The following ST13 variants were observed in gnomAD, a reference collection of about 807,000 sequenced individuals.
ST13 encodes the protein hsc70-interacting protein.
A neutral mutation model predicts 56.7 loss-of-function variants in ST13; 23 were observed. The observed-to-expected ratio is 0.41, with a 90% CI of 0.29 to 0.57. The LOEUF (loss-of-function observed/expected upper bound fraction) is 0.57, where lower values mean the gene tolerates loss of function less well. Ranked by LOEUF, ST13 falls within the 20% of genes least tolerant of loss-of-function variation. ST13 has a pLI of 0.36. For synonymous variants in ST13, 132 were observed against 142.4 expected (o/e 0.93, Z 0.52); for missense variants, 369 against 459.9 (o/e 0.80, Z 1.81).
intron 2 of ST13, among the ~76,000 whole-genome samples, chr22:40,850,153 G>A (rs2057854144): frequency 6.6e-6 from 1 of 152,180 alleles, no homozygotes; most frequent in Admixed American, 6.5e-5. Flanking sequence ...AGATACTCGG[G>A]AGACTGAAAC....
At chr22:40,839,878 C>T (rs1420941735) in intron 5 of ST13, among the ~76,000 whole-genome samples, 1 of 151,914 alleles carries the variant, frequency 6.6e-6, no homozygotes, top group Non-Finnish European at 1.5e-5. Context: ...AGGCTGGGCG[C>T]AGTGGTTCAT....
chr22:40,834,840 A>T (rs1197785647), intron 7 of ST13, among the ~76,000 whole-genome samples: 1 of 152,212 alleles, frequency 6.6e-6, no homozygotes, highest in African/African-American at 2.4e-5. Flanking sequence ...TTCAACTTTT[A>T]ATGTTTATCT....
Position 40,850,839 on chromosome 22 carries a change from G to A in ST13, c.152C>T (p.Ser51Leu). Residue 51 changes from serine (S) to leucine (L), a missense_variant, in exon 2 of 12, where the codon TCA (serine) becomes TTA (leucine). By Grantham distance (145) the Ser-to-Leu change is moderately radical. This residue lies in a region of ST13 where 169 missense variants were observed against 175.6 expected (regional missense o/e 0.96). Transcript: ENST00000216218. ...KVPPATQKAK[S>L]EENTKEEKPD... ...AAAACTTACCTTGGTATTTTCTTCT[G>A]ATTTAGCTTTCTGAGTAGCAGGTGG... The A allele has an allele frequency of 6.2e-7, 1 of 1,605,088 alleles. No individual in the cohort carries two copies. Among genetic ancestry groups the A allele is most frequent in the South Asian group, 1.1e-5 (1 of 89,622 alleles).
Position 40,832,670 on chromosome 22 carries a change from G to C in ST13, c.580C>G (p.Leu194Val). Residue 194 changes from leucine to valine, a missense_variant and splice_region_variant, in exon 8 of 12, where the codon CTT becomes GTT. Physicochemically the swap from Leu to Val is conservative, Grantham distance 32 (BLOSUM62 1). This residue lies in a region of ST13 where 64 missense variants were observed against 125.1 expected (regional missense o/e 0.51). Transcript: ENST00000216218. ...GCTGCTTCTTCCCAGTGGCCTAGAAGTCTGAAACAGATTTACACTCATTTT... is the reference window on the plus strand; with the variant it reads ...GCTGCTTCTTCCCAGTGGCCTAGAACTCTGAAACAGATTTACACTCATTTT... ...PYKWRGKAHR[L>V]LGHWEEAAHD... 6.3e-7 allele frequency: 1 copy of C among 1,597,736 alleles called. No individual in the cohort carries two copies. Among genetic ancestry groups the C allele is most frequent in the Non-Finnish European group, 8.5e-7 (1 of 1,177,842 alleles).
intron 7 of ST13, among the ~76,000 whole-genome samples, chr22:40,833,131 G>A (rs555812312): frequency 6.6e-6 from 1 of 152,310 alleles, no homozygotes; most frequent in South Asian, 2.1e-4. Flanking sequence ...GGGCAGAGGA[G>A]ACAGCAACGA....
chr22:40,853,807 G>C (rs566793318), intron 1 of ST13, among the ~76,000 whole-genome samples: 1 of 152,050 alleles, frequency 6.6e-6, no homozygotes, highest in Admixed American at 6.6e-5. Flanking sequence ...CACTCTCTTC[G>C]ATCTTAATTA....
Position 40,848,342 on chromosome 22 carries a change from C to T in ST13, c.196G>A (p.Glu66Lys). 2 of 1,613,080 alleles carry T rather than the reference C, an allele frequency of 1.2e-6. No individual in the cohort carries two copies. The highest frequency in any genetic ancestry group is 1.7e-6 in the Non-Finnish European group (2 of 1,179,474). ...KEEKPDSKKV[E>K]EDLKADEPSS... Reference sequence around the variant, plus strand: ...GGTTCGTCTGCCTTTAAGTCTTCCTCCACCTTCTTACTATCAGGTTTTTCT... The same window carrying T: ...GGTTCGTCTGCCTTTAAGTCTTCCTTCACCTTCTTACTATCAGGTTTTTCT... The change falls in exon 3 of 12, where the codon GAG becomes AAG. Residue 66 changes from glutamate to lysine, a missense_variant. Around this residue, in one of 3 missense-constraint regions of ST13, gnomAD observed 169 missense variants for 175.6 expected, o/e 0.96. Coordinates refer to ENST00000216218, the MANE Select transcript of ST13 (RefSeq NM_003932.5).
intron 1 of ST13, among the ~76,000 whole-genome samples, chr22:40,855,104 G>A (rs1226056745): frequency 6.6e-6 from 1 of 152,174 alleles, no homozygotes; most frequent in African/African-American, 2.4e-5. Context: ...CTTAGAACCA[G>A]ATTGTTGTTA....
At chr22:40,845,363 A>G (rs1159833969) in intron 3 of ST13, among the ~76,000 whole-genome samples, 1 of 152,056 alleles carries the variant, frequency 6.6e-6, no homozygotes, top group Admixed American at 6.6e-5. Context: ...AATTAAAATA[A>G]TTTTGGGGGG....
intron 2 of ST13, among the ~76,000 whole-genome samples, chr22:40,849,538 T>C (rs2079591360): frequency 6.6e-6 from 1 of 151,464 alleles, no homozygotes; most frequent in Admixed American, 6.6e-5. Flanking sequence ...CACAAAATAT[T>C]TGTTGAGTCC....
chr22:40,834,219 AGG>A (rs2057767080), intron 7 of ST13, among the ~76,000 whole-genome samples: 1 of 151,764 alleles, frequency 6.6e-6, no homozygotes. Flanking sequence ...TGGGAGGTGA[AGG>A]TTGCAGTGAG....
intron 4 of ST13, among the ~76,000 whole-genome samples, chr22:40,840,963 T>C (rs888217176): frequency 2.0e-5 from 3 of 152,160 alleles, no homozygotes; most frequent in African/African-American, 7.2e-5. Flanking sequence ...TACCAGCTCC[T>C]ACCTAGCTAT....
intron 9 of ST13, among the ~76,000 whole-genome samples, chr22:40,830,464 C>A (rs2057748853): frequency 6.6e-6 from 1 of 152,150 alleles, no homozygotes; most frequent in Non-Finnish European, 1.5e-5. Context: ...CTGCTAGAAT[C>A]ATTTTTAAAT....
intron 9 of ST13, 85 bp downstream of exon 9, chr22:40,830,755 A>G (rs1181552779): frequency 2.0e-5 from 15 of 752,752 alleles, no homozygotes; most frequent in African/African-American, 1.9e-4. Flanking sequence ...TAAATAAAAG[A>G]GCCAGGAATT....
chr22:40,846,694 A>G (rs2057832996), intron 3 of ST13, among the ~76,000 whole-genome samples: 1 of 152,196 alleles, frequency 6.6e-6, no homozygotes, highest in African/African-American at 2.4e-5. Flanking sequence ...TAATGATATC[A>G]AAGATAATTT....
Position 40,853,933 on chromosome 22 carries a change from C to T in ST13, c.110+2498G>A, listed in dbSNP as rs956751411. On this transcript the variant is annotated intron_variant, in intron 1 of 11. Transcript: ENST00000216218. ...GGAAAAACAAAAATATCTCAAAACA[C>T]AGTTCTTGAAAAGAACAGTCTCCTG... Among the ~76,000 whole-genome samples the T allele has an allele frequency of 7.2e-5, 11 of 152,328 alleles. No homozygotes were observed. In the East Asian group the frequency reaches 1.9e-3, roughly 27 times the overall value.
Position 40,844,865 on chromosome 22 carries a change from G to A in ST13, c.289C>T (p.Gln97Ter). Residue 97 changes from glutamine (Q) to a stop codon, truncating the protein, a stop_gained, in exon 4 of 12, where the codon CAA becomes TAA. Transcript: ENST00000216218. LOFTEE classifies it high-confidence loss of function. ...TCCGCATTTTCATCTCCCATTTCTT[G>A]AGGAGCATCAGTGTCTGGTTCAATC... The part of the protein sequence containing the change: ...GVIEPDTDAP[Q>*]EMGDENAEIT... The A allele has an allele frequency of 6.2e-7, 1 of 1,613,558 alleles. No individual in the cohort carries two copies. The highest frequency in any genetic ancestry group is 1.1e-5 in the South Asian group (1 of 90,982).
At position 40,848,464 on chromosome 22, in the gene ST13, T is replaced by C. The variant is rs2057844337; in HGVS notation, c.169-95A>G. 8 of 848,950 alleles carry C rather than the reference T, an allele frequency of 9.4e-6. No homozygotes were observed. In the Admixed American group the frequency reaches 1.2e-4, roughly 13 times the overall value. 52.6% of individuals were successfully genotyped at this position (848,950 alleles called of 1,614,324 possible). A position where few individuals can be genotyped will look rare whatever the true frequency, so the allele number is the denominator to read the frequency against. ...AAATCTATGTATAAACTGTCAAATA[T>C]GGCCAGGCATGGCGGCTCATGCCTG... On this transcript the variant is annotated intron_variant, in intron 2 of 11. Transcript: ENST00000216218.
intron 4 of ST13, among the ~76,000 whole-genome samples, chr22:40,843,741 C>G (rs1002363583): frequency 2.0e-5 from 3 of 151,970 alleles, no homozygotes; most frequent in African/African-American, 7.3e-5. Flanking sequence ...TTATTAGCAT[C>G]CAGAATATTG....
Sources: allele counts gnomAD v4.1 joint callset (sites outside exome capture counted in the v4.1 genomes callset), GRCh38; gene constraint gnomAD v4.1.1; regional missense constraint gnomAD v4.1.1; transcripts MANE v1.5; gene names NCBI Gene and HGNC (gene_info 2026-07-23, HGNC 2026-07-21).